SEMA5A: variants seen among roughly 807,000 people sequenced by gnomAD.
SEMA5A encodes semaphorin 5A.
A neutral mutation model predicts 135.5 loss-of-function variants in SEMA5A; 55 were observed. The observed-to-expected ratio is 0.41, with a 90% CI of 0.33 to 0.51. SEMA5A has a LOEUF of 0.51. Ranked by LOEUF, SEMA5A falls within the 20% of genes least tolerant of loss-of-function variation. The pLI, the probability that SEMA5A is intolerant of heterozygous loss-of-function variation, is 0.37. For missense variants in SEMA5A, 1,290 were observed against 1,419.9 expected (o/e 0.91, Z 1.47); for synonymous variants, 580 against 546.5 (o/e 1.06, Z -0.85).
At chr5:9,536,744 C>A (rs1317837142) in intron 1 of SEMA5A, among the ~76,000 whole-genome samples, 2 of 152,116 alleles carry the variant, frequency 1.3e-5, no homozygotes, top group Admixed American at 1.3e-4. Context: ...CTGTAAAACA[C>A]CATTTTTCTT....
chr5:9,044,682 C>A, intron 21 of SEMA5A, 98 bp from the exon 22 acceptor site: 1 of 983,876 alleles, frequency 1.0e-6, no homozygotes, highest in Non-Finnish European at 1.5e-6. Flanking sequence ...AAATGAAAAG[C>A]TTCATCCCCA....
chr5:9,269,996 G>A (rs949277666), intron 5 of SEMA5A, among the ~76,000 whole-genome samples: 4 of 152,084 alleles, frequency 2.6e-5, no homozygotes, highest in Non-Finnish European at 5.9e-5. Context: ...GATATCAGGA[G>A]GGTTTCCACA....
intron 8 of SEMA5A, among the ~76,000 whole-genome samples, chr5:9,219,799 A>C (rs1334089467): frequency 6.6e-6 from 1 of 152,158 alleles, no homozygotes; most frequent in Non-Finnish European, 1.5e-5. Context: ...CCCATACCCA[A>C]GATTGAAAAA....
intron 5 of SEMA5A, among the ~76,000 whole-genome samples, chr5:9,311,811 C>T (rs1467181320): frequency 6.6e-6 from 1 of 152,058 alleles, no homozygotes; most frequent in Non-Finnish European, 1.5e-5. Context: ...GGAGAGAATT[C>T]TCTACCGATA....
intron 16 of SEMA5A, among the ~76,000 whole-genome samples, chr5:9,098,014 C>T (rs1739418022): frequency 2.0e-5 from 3 of 152,136 alleles, no homozygotes; most frequent in Non-Finnish European, 4.4e-5. Flanking sequence ...GAGGCTGAAA[C>T]AGGTGGGTCA....
At chr5:9,454,786 G>A (rs753374117) in intron 1 of SEMA5A, among the ~76,000 whole-genome samples, 24 of 152,212 alleles carry the variant, frequency 1.6e-4, no homozygotes, top group Admixed American at 2.0e-4. Flanking sequence ...AATGGAATTG[G>A]TTTCCTTTTA....
At chr5:9,175,627 G>A (rs1744162851) in intron 11 of SEMA5A, among the ~76,000 whole-genome samples, 1 of 151,856 alleles carries the variant, frequency 6.6e-6, no homozygotes, top group Admixed American at 6.6e-5. Context: ...ATACACATTT[G>A]CTCATGGAGC....
chr5:9,067,819 G>A (rs143839088), intron 16 of SEMA5A, among the ~76,000 whole-genome samples: 10 of 151,926 alleles, frequency 6.6e-5, no homozygotes, highest in South Asian at 6.2e-4. Context: ...CCATTTTCAC[G>A]TTTCTCATCT....
chr5:9,108,096 C>T (rs767084443), intron 16 of SEMA5A, 44 bp downstream of exon 16: 1 of 1,596,718 alleles, frequency 6.3e-7, no homozygotes, highest in South Asian at 1.1e-5. Context: ...GTCTGTATTC[C>T]TGGTTCTGGA....
At chr5:9,236,206 C>T (rs955048135) in intron 6 of SEMA5A, among the ~76,000 whole-genome samples, 13 of 152,156 alleles carry the variant, frequency 8.5e-5, no homozygotes, top group Non-Finnish European at 1.9e-4. Context: ...AGGCATCACA[C>T]AGAGCAACCC....
intron 11 of SEMA5A, among the ~76,000 whole-genome samples, chr5:9,187,697 C>T (rs1161584501): frequency 1.3e-5 from 2 of 152,196 alleles, no homozygotes; most frequent in Admixed American, 1.3e-4. Context: ...AATTTGTACA[C>T]AGGCAGTAGA....
At chr5:9,154,074 T>TAC (rs1579495191) in intron 12 of SEMA5A, among the ~76,000 whole-genome samples, 2 of 65,342 alleles carry the variant, frequency 3.1e-5, no homozygotes, top group East Asian at 1.0e-3. Flanking sequence ...TATATATATA[T>TAC]ATATATATAT....
At chr5:9,471,494 C>G (rs1246741407) in intron 1 of SEMA5A, among the ~76,000 whole-genome samples, 1 of 152,118 alleles carries the variant, frequency 6.6e-6, no homozygotes, top group Non-Finnish European at 1.5e-5. Flanking sequence ...ACCAGAAAGA[C>G]TGGAAGTTTT....
chr5:9,528,202 A>C (rs2126309904), intron 1 of SEMA5A, among the ~76,000 whole-genome samples: 1 of 152,306 alleles, frequency 6.6e-6, no homozygotes, highest in Middle Eastern at 3.4e-3. Context: ...TTTCTAAAGA[A>C]AATGGTGTCA....
At chr5:9,514,834 A>C (rs1736417665) in intron 1 of SEMA5A, among the ~76,000 whole-genome samples, 1 of 152,170 alleles carries the variant, frequency 6.6e-6, no homozygotes, top group Admixed American at 6.5e-5. Flanking sequence ...TTCCTTCAAA[A>C]AGATCATTCT....
chr5:9,202,940 G>A (rs935548014), intron 8 of SEMA5A, among the ~76,000 whole-genome samples: 5 of 152,144 alleles, frequency 3.3e-5, no homozygotes, highest in South Asian at 2.1e-4. Context: ...TTGCTTTGTA[G>A]TTTTCTGGTC....
At chr5:9,328,596 T>C (rs568130443) in intron 4 of SEMA5A, among the ~76,000 whole-genome samples, 9 of 152,120 alleles carry the variant, frequency 5.9e-5, no homozygotes, top group African/African-American at 2.2e-4. Context: ...CTGGCCAACA[T>C]AGTAAAACCC....
At chr5:9,370,988 C>A (rs1436803897) in intron 3 of SEMA5A, among the ~76,000 whole-genome samples, 3 of 152,096 alleles carry the variant, frequency 2.0e-5, no homozygotes, top group Non-Finnish European at 4.4e-5. Flanking sequence ...AGATAAAATA[C>A]AATAACGTAC....
intron 3 of SEMA5A, among the ~76,000 whole-genome samples, chr5:9,341,018 T>C (rs1753624379): frequency 6.6e-6 from 1 of 152,162 alleles, no homozygotes; most frequent in African/African-American, 2.4e-5. Context: ...TCTCCAATGT[T>C]ACCTAGTCCC....
Sources: gnomAD v4.1 joint callset for allele counts (sites outside exome capture counted in the v4.1 genomes callset) on GRCh38, gnomAD v4.1.1 for gene constraint, MANE v1.5 for transcripts, NCBI Gene and HGNC (gene_info 2026-07-23, HGNC 2026-07-21) for gene names.